The following ASPHD1 variants were observed in gnomAD, a reference collection of about 807,000 sequenced individuals.
ASPHD1 encodes the protein aspartate beta-hydroxylase domain containing 1.
ASPHD1 carries 20 observed loss-of-function variants against 28.3 expected under a neutral mutation model. The observed-to-expected ratio is 0.71, with a 90% CI of 0.50 to 1.03. The LOEUF (loss-of-function observed/expected upper bound fraction) is 1.03, where lower values mean the gene tolerates loss of function less well. Among genes scored for constraint, ASPHD1 ranks in the 50% least tolerant of loss-of-function variants. The pLI is 0.00. For missense variants in ASPHD1, 479 were observed against 524.1 expected, an observed-to-expected ratio of 0.91 and a Z score of 0.84; for synonymous variants, 240 against 221.2, an observed-to-expected ratio of 1.08 and a Z score of -0.75.
At chr16:29,913,451 C>G (rs1046531367) in intron 3 of ASPHD1, 3 of 152,178 alleles carry the variant, frequency 2.0e-5, no homozygotes, top group African/African-American at 7.2e-5. Context: ...AGGGGAATTA[C>G]GGAGTATGAA....
chr16:29,906,504 C>T (rs1567437592), downstream of ASPHD1: 3 of 474,476 alleles, frequency 6.3e-6, no homozygotes, highest in South Asian at 3.1e-5. Flanking sequence ...CTGCAGGACG[C>T]GGGAGGCTGC....
chr16:29,904,796 G>A (rs2068585961), intron 1 of ASPHD1, 56 bp from the exon 2 acceptor site: 1 of 1,237,930 alleles, frequency 8.1e-7, no homozygotes, highest in Non-Finnish European at 1.2e-6. Context: ...TGACTGGCCA[G>A]GATGGGCCCC....
Position 29,900,988 on chromosome 16 carries a change from G to A in ASPHD1, c.17G>A (p.Gly6Glu). MKEGR[G>E]SFSVERGPRK... is the part of the protein sequence containing the mutation. ...TGGAGGTGCATGAAGGAGGGGAGAG[G>A]GAGCTTCAGCGTGGAGAGAGGACCG... Residue 6 changes from glycine to glutamate, a missense_variant, in exon 1 of 3, where the codon GGG becomes GAG. Physicochemically the swap from Gly to Glu is moderately conservative, Grantham distance 98. Transcript: ENST00000308748. 1.3e-6 allele frequency: 2 copies of A among 1,555,694 alleles called. No individual in the cohort carries two copies. Among genetic ancestry groups the A allele is most frequent in the Non-Finnish European group, 1.7e-6 (2 of 1,149,154 alleles).
downstream of ASPHD1, chr16:29,919,864 A>G (rs1022035066): frequency 6.6e-6 from 1 of 152,232 alleles, no homozygotes; most frequent in African/African-American, 2.4e-5. Context: ...CTTTAAAATA[A>G]TCAATGGTTA....
intron 3 of ASPHD1, among the ~76,000 whole-genome samples, chr16:29,917,468 A>C (rs2068830385): frequency 6.6e-6 from 1 of 152,110 alleles, no homozygotes; most frequent in African/African-American, 2.4e-5. Context: ...CCAACATGGC[A>C]AAACCCCCTT....
chr16:29,911,134 G>A (rs759713880), intron 3 of ASPHD1: 10 of 1,614,000 alleles, frequency 6.2e-6, no homozygotes, highest in South Asian at 4.4e-5. Context: ...CCAGCTTGTC[G>A]AACAGCTCGA....
chr16:29,905,334 G>A (rs574484973), intron 2 of ASPHD1, among the ~76,000 whole-genome samples: 2 of 152,162 alleles, frequency 1.3e-5, no homozygotes, highest in Admixed American at 6.5e-5. Context: ...ATTAAGAGTT[G>A]ATACATATCG....
chr16:29,901,833 G>T lies in ASPHD1; in HGVS notation c.862G>T (p.Gly288Cys), dbSNP rs990619424. ...AAGCTTTATGAGTGCCAACACCTTC[G>T]GCAATGCCGGCTTTTCCGTTCTCCT... ...LRSFMSANTF[G>C]NAGFSVLLPG... is the part of the protein sequence containing the mutation. Residue 288 changes from glycine (G) to cysteine (C), a missense_variant, in exon 1 of 3, where the codon GGC becomes TGC. Physicochemically the swap from Gly to Cys is radical, Grantham distance 159. Coordinates refer to ENST00000308748, the MANE Select transcript of ASPHD1 (RefSeq NM_181718.4). The surrounding 1 kb of genome is among the most constrained non-coding windows in gnomAD (Gnocchi z 5.1). 3 of 1,550,376 alleles carry T rather than the reference G, an allele frequency of 1.9e-6. No homozygotes were observed. The highest frequency in any genetic ancestry group is 1.7e-4 in the Middle Eastern group (1 of 5,748).
intron 3 of ASPHD1, chr16:29,911,684 G>A (rs1056474389): frequency 1.1e-5 from 10 of 935,212 alleles, no homozygotes; most frequent in East Asian, 7.9e-5. Flanking sequence ...GGTAAGAGGC[G>A]AAGCCGAATC....
chr16:29,905,999 G>T lies in ASPHD1; in HGVS notation c.*102G>T. 3.0e-6 allele frequency: 2 copies of T among 672,324 alleles called. No homozygotes were observed. Among genetic ancestry groups the T allele is most frequent in the Non-Finnish European group, 5.0e-6 (2 of 401,850 alleles). The allele number at this position is 672,324 out of a possible 1,614,324, so 41.6% of individuals were successfully genotyped here. On this transcript the variant is annotated 3_prime_UTR_variant, in exon 3 of 3. Coordinates refer to ENST00000308748, the MANE Select transcript of ASPHD1 (RefSeq NM_181718.4). Reference sequence around the variant, plus strand: ...CTCTCTACTGCGGGGGTGGGCGGGGGCGGAGGATGGGAACTGGCTAGTGAG... The same window carrying T: ...CTCTCTACTGCGGGGGTGGGCGGGGTCGGAGGATGGGAACTGGCTAGTGAG...
chr16:29,909,050 G>GATTC (rs35566440), downstream of ASPHD1, among the ~76,000 whole-genome samples: 45,862 of 151,190 alleles, frequency 0.3, 8,673 homozygotes, highest in Non-Finnish European at 0.43. Flanking sequence ...CTGGGTCACT[G>GATTC]ATTCATTCAT....
intron 3 of ASPHD1, among the ~76,000 whole-genome samples, chr16:29,917,589 G>T (rs1187658349): frequency 6.6e-6 from 1 of 152,084 alleles, no homozygotes; most frequent in Non-Finnish European, 1.5e-5. Context: ...AGACCAGTCT[G>T]GCCAACGTCG....
At chr16:29,917,713 A>C (rs1211008735) in intron 3 of ASPHD1, among the ~76,000 whole-genome samples, 1 of 152,142 alleles carries the variant, frequency 6.6e-6, no homozygotes, top group Non-Finnish European at 1.5e-5. Flanking sequence ...CGGGAGGCAG[A>C]GGTTGCAGTG....
In ASPHD1 at chr16:29,901,291, G is replaced by A. The variant is rs753319713; in HGVS notation, c.320G>A (p.Gly107Glu). The change falls in exon 1 of 3, where the codon GGG (glycine) becomes GAG (glutamate). Residue 107 changes from glycine (G) to glutamate (E), a missense_variant. By Grantham distance (98) the Gly-to-Glu change is moderately conservative (BLOSUM62 -2). Transcript: ENST00000308748. The surrounding 1 kb of genome is among the most constrained non-coding windows in gnomAD (Gnocchi z 5.1). ...GGCTCCCAAGACATGCAGGCCCTAGGGGCTGGGAGCCGAGCTGGGGGTGTT... is the reference window on the plus strand; with the variant it reads ...GGCTCCCAAGACATGCAGGCCCTAGAGGCTGGGAGCCGAGCTGGGGGTGTT... The part of the protein sequence containing the change: ...RLGSQDMQAL[G>E]AGSRAGGVRG... 2.5e-6 allele frequency: 4 copies of A among 1,612,640 alleles called. No homozygotes were observed. Among genetic ancestry groups the A allele is most frequent in the Non-Finnish European group, 2.5e-6 (3 of 1,179,754 alleles).
Position 29,901,128 on chromosome 16 carries a change from G to T in ASPHD1, c.157G>T (p.Gly53Cys). The change falls in exon 1 of 3, where the codon GGT (glycine) becomes TGT (cysteine). Residue 53 changes from glycine to cysteine, a missense_variant. Coordinates refer to ENST00000308748, the MANE Select transcript of ASPHD1 (RefSeq NM_181718.4). The surrounding 1 kb of genome is among the most constrained non-coding windows in gnomAD (Gnocchi z 5.1). ...GGELGGQGNW[G>C]PEDAPGLLAR... Reference sequence around the variant, plus strand: ...GGAGCTGGGGGGACAGGGGAACTGGGGTCCGGAGGACGCCCCAGGCCTCTT... The same window carrying T: ...GGAGCTGGGGGGACAGGGGAACTGGTGTCCGGAGGACGCCCCAGGCCTCTT... The T allele has an allele frequency of 6.2e-7, 1 of 1,609,144 alleles. No homozygotes were observed.
chr16:29,916,412 C>G (rs2068810517), intron 3 of ASPHD1, among the ~76,000 whole-genome samples: 1 of 152,136 alleles, frequency 6.6e-6, no homozygotes, highest in Admixed American at 6.6e-5. Flanking sequence ...ACTCCTTAAG[C>G]TTTTACTAAC....
intron 1 of ASPHD1, 25 bp from the exon 2 acceptor site, chr16:29,904,827 T>C (rs374094775): frequency 1.5e-5 from 24 of 1,558,322 alleles, no homozygotes; most frequent in African/African-American, 2.7e-5. Flanking sequence ...GCAGGAGTGC[T>C]GGATGCCCGC....
chr16:29,905,329 GAGT>G (rs1250508242), intron 2 of ASPHD1, among the ~76,000 whole-genome samples: 1 of 152,064 alleles, frequency 6.6e-6, no homozygotes, highest in African/African-American at 2.4e-5. Flanking sequence ...TGATGATTAA[GAGT>G]TGATACATAT....
At position 29,905,865 on chromosome 16, in the gene ASPHD1, G is replaced by A. The variant is rs151078457; in HGVS notation, c.1141G>A (p.Ala381Thr). The A allele has an allele frequency of 1.2e-6, 2 of 1,613,652 alleles. No individual in the cohort carries two copies. Among genetic ancestry groups the A allele is most frequent in the Admixed American group, 3.3e-5 (2 of 59,958 alleles). Residue 381 changes from alanine (A) to threonine (T), a missense_variant, in exon 3 of 3, where the codon GCC becomes ACC. Physicochemically the swap from Ala to Thr is moderately conservative, Grantham distance 58. Coordinates refer to ENST00000308748, the MANE Select transcript of ASPHD1 (RefSeq NM_181718.4). ...CAACGTGGCAGGGGCTGAGCGCCAGGCCCTCGACTTTGTCTTCGCCCCAGA... is the reference window on the plus strand; with the variant it reads ...CAACGTGGCAGGGGCTGAGCGCCAGACCCTCGACTTTGTCTTCGCCCCAGA... ...HPNVAGAERQ[A>T]LDFVFAPDP
Sources: gnomAD v4.1 joint callset for allele counts (sites outside exome capture counted in the v4.1 genomes callset) on GRCh38, gnomAD v4.1.1 for gene constraint, Gnocchi (gnomAD v3.1) non-coding constraint, MANE v1.5 for transcripts, NCBI Gene and HGNC (gene_info 2026-07-23, HGNC 2026-07-21) for gene names.